FHIT: variants seen among roughly 807,000 people sequenced by gnomAD.
FHIT encodes bis(5'-adenosyl)-triphosphatase.
Under a neutral mutation model 17.9 loss-of-function variants are expected in FHIT, and 19 were observed. That is an observed-to-expected ratio of 1.06 (90% CI 0.74 to 1.56). The LOEUF (loss-of-function observed/expected upper bound fraction) is 1.56, where lower values mean the gene tolerates loss of function less well. FHIT is among the 40% of genes most tolerant of loss of function. FHIT has a pLI of 0.00. For missense variants in FHIT, 248 were observed against 189.2 expected, an observed-to-expected ratio of 1.31 and a Z score of -1.82; for synonymous variants, 81 against 69.7, an observed-to-expected ratio of 1.16 and a Z score of -0.81.
intron 8 of FHIT, among the ~76,000 whole-genome samples, chr3:59,874,079 T>C (rs964764457): frequency 6.6e-6 from 1 of 152,108 alleles, no homozygotes. Flanking sequence ...TGCAGGGAAA[T>C]GTGAGGATCA....
chr3:60,592,144 T>C (rs1486958133), intron 4 of FHIT, among the ~76,000 whole-genome samples: 2 of 149,224 alleles, frequency 1.3e-5, no homozygotes, highest in Admixed American at 1.3e-4. Flanking sequence ...CCACATTGTA[T>C]CAAAATTAGG....
chr3:59,989,477 C>T (rs2107467601), intron 7 of FHIT, among the ~76,000 whole-genome samples: 1 of 152,114 alleles, frequency 6.6e-6, no homozygotes, highest in Middle Eastern at 3.4e-3. Context: ...TCAGAAGTGA[C>T]CATGGGAAGA....
At chr3:61,128,171 AAAAG>A (rs1288381953) in intron 2 of FHIT, among the ~76,000 whole-genome samples, 2 of 152,192 alleles carry the variant, frequency 1.3e-5, no homozygotes, top group Non-Finnish European at 2.9e-5. Flanking sequence ...CAATAATGAA[AAAAG>A]AAAGAGATAA....
Position 60,904,416 on chromosome 3 carries a change from T to C in FHIT, c.-110-82405A>G, listed in dbSNP as rs370138074. Among the ~76,000 whole-genome samples the C allele has an allele frequency of 6.6e-5, 10 of 150,758 alleles. No individual in the cohort carries two copies. In the East Asian group the frequency reaches 1.4e-3, roughly 21 times the overall value. On this transcript the variant is annotated intron_variant, in intron 3 of 9. Transcript: ENST00000492590. ...ACAATACAAGTATTAGGAGAAAACATGAGAGAATTTCTGTACAACTAGATG... is the reference window on the plus strand; with the variant it reads ...ACAATACAAGTATTAGGAGAAAACACGAGAGAATTTCTGTACAACTAGATG...
At chr3:61,088,874 A>C (rs1164561924) in intron 2 of FHIT, among the ~76,000 whole-genome samples, 1 of 152,180 alleles carries the variant, frequency 6.6e-6, no homozygotes, top group Non-Finnish European at 1.5e-5. Flanking sequence ...GCTGCGCTGG[A>C]AAAAACCGAA....
intron 4 of FHIT, among the ~76,000 whole-genome samples, chr3:60,645,574 C>T (rs368507633): frequency 6.6e-6 from 1 of 152,154 alleles, no homozygotes; most frequent in African/African-American, 2.4e-5. Flanking sequence ...CTTCTCTTGT[C>T]TCCTCTGGAC....
intron 3 of FHIT, among the ~76,000 whole-genome samples, chr3:60,914,084 T>G (rs1390295532): frequency 1.3e-5 from 2 of 152,114 alleles, no homozygotes; most frequent in Non-Finnish European, 2.9e-5. Context: ...TTAGCAACAG[T>G]TTTTGCAGAC....
chr3:60,543,097 GCA>G (rs983011865), intron 4 of FHIT, among the ~76,000 whole-genome samples: 26 of 152,000 alleles, frequency 1.7e-4, no homozygotes, highest in African/African-American at 6.3e-4. Context: ...GCACATTTTT[GCA>G]CATTTTTTTT....
chr3:59,846,409 T>G (rs1036249498), intron 8 of FHIT, among the ~76,000 whole-genome samples: 5 of 152,148 alleles, frequency 3.3e-5, no homozygotes, highest in Admixed American at 2.0e-4. Context: ...CTTTCTGTTG[T>G]TGATGTCATA....
intron 8 of FHIT, among the ~76,000 whole-genome samples, chr3:59,905,910 C>A (rs946300631): frequency 2.6e-5 from 4 of 152,172 alleles, no homozygotes; most frequent in South Asian, 4.2e-4. Context: ...ACAAAAAAAA[C>A]CCCTCAGAAA....
chr3:60,966,925 T>C, intron 3 of FHIT, among the ~76,000 whole-genome samples: 1 of 152,324 alleles, frequency 6.6e-6, no homozygotes, highest in South Asian at 2.1e-4. Context: ...GATGCTTTTA[T>C]AGTTAGAGAG....
At chr3:60,514,863 C>T (rs1003420917) in intron 5 of FHIT, among the ~76,000 whole-genome samples, 1 of 147,608 alleles carries the variant, frequency 6.8e-6, no homozygotes. Flanking sequence ...TATCTTTGGA[C>T]ACTGAGGACT....
intron 5 of FHIT, among the ~76,000 whole-genome samples, chr3:60,161,623 G>A (rs767410675): frequency 1.3e-5 from 2 of 152,036 alleles, no homozygotes; most frequent in African/African-American, 2.4e-5. Context: ...AGGAACAGAA[G>A]GTATGCTGCA....
At chr3:60,174,420 G>A (rs1265798212) in intron 5 of FHIT, among the ~76,000 whole-genome samples, 2 of 151,946 alleles carry the variant, frequency 1.3e-5, no homozygotes, top group Non-Finnish European at 2.9e-5. Context: ...GATTTTGATT[G>A]TTTTGTTTTA....
At chr3:60,358,425 AAAG>A (rs1351110511) in intron 5 of FHIT, among the ~76,000 whole-genome samples, 4 of 152,334 alleles carry the variant, frequency 2.6e-5, no homozygotes, top group Admixed American at 1.3e-4. Flanking sequence ...AGAAAAAAGC[AAAG>A]AAGAAAACAA....
At position 59,839,727 on chromosome 3, in the gene FHIT, G is replaced by A. The variant is rs1016876069; in HGVS notation, c.348+82619C>T. On this transcript the variant is annotated intron_variant, in intron 8 of 9. Transcript: ENST00000492590. ...CTCTCTCTACCAAACACTGCTCAGAGAATAGCCTCTGAGACCTGTTTCCTT... is the reference window on the plus strand; with the variant it reads ...CTCTCTCTACCAAACACTGCTCAGAAAATAGCCTCTGAGACCTGTTTCCTT... Among the ~76,000 whole-genome samples, 6 of 152,262 alleles carry A rather than the reference G, an allele frequency of 3.9e-5. No individual in the cohort carries two copies. In the East Asian group the frequency reaches 1.2e-3, roughly 29 times the overall value.
At chr3:60,291,712 C>G (rs1166839398) in intron 5 of FHIT, among the ~76,000 whole-genome samples, 6 of 152,112 alleles carry the variant, frequency 3.9e-5, no homozygotes, top group Admixed American at 2.6e-4. Context: ...CTTCCTGTGT[C>G]AAAATTATCC....
chr3:60,205,972 AAAAT>A (rs1363732848), intron 5 of FHIT, among the ~76,000 whole-genome samples: 1 of 150,976 alleles, frequency 6.6e-6, no homozygotes, highest in Non-Finnish European at 1.5e-5. Flanking sequence ...AAAAAATAAA[AAAAT>A]AAAAAAATTA....
At chr3:60,079,118 C>T (rs893625428) in intron 5 of FHIT, among the ~76,000 whole-genome samples, 2 of 152,000 alleles carry the variant, frequency 1.3e-5, no homozygotes, top group African/African-American at 4.8e-5. Context: ...AGCTCCAACC[C>T]AAGAGCTGGC....
Sources: allele counts gnomAD v4.1 joint callset (sites outside exome capture counted in the v4.1 genomes callset), GRCh38; gene constraint gnomAD v4.1.1; transcripts MANE v1.5; gene names NCBI Gene and HGNC (gene_info 2026-07-23, HGNC 2026-07-21).